TMEM132C: variants seen among roughly 807,000 people sequenced by gnomAD.
TMEM132C encodes the protein protein phosphatase 1, regulatory subunit 152.
In TMEM132C, 29 loss-of-function variants were observed where a neutral mutation model predicts 61.4. That is an observed-to-expected ratio of 0.47 (90% CI 0.35 to 0.64). The LOEUF (loss-of-function observed/expected upper bound fraction) is 0.64. TMEM132C is among the 30% of genes least tolerant of loss of function. The pLI is 0.00. For synonymous variants in TMEM132C, 656 were observed against 633.1 expected (o/e 1.04, Z -0.54); for missense variants, 1,408 against 1,476.9 (o/e 0.95, Z 0.76).
intron 3 of TMEM132C, among the ~76,000 whole-genome samples, chr12:128,580,143 G>T (rs1192592004): frequency 6.6e-6 from 1 of 152,148 alleles, no homozygotes; most frequent in East Asian, 1.9e-4. Flanking sequence ...GAATAATACT[G>T]TGAATTGTTG....
At chr12:128,404,436 C>G (rs1875268247) in intron 1 of TMEM132C, 1 of 152,202 alleles carries the variant, frequency 6.6e-6, no homozygotes, top group Non-Finnish European at 1.5e-5. Flanking sequence ...CTTGCTGTAC[C>G]CCATTCAATC....
chr12:128,314,132 G>A (rs1872069848), intron 1 of TMEM132C, among the ~76,000 whole-genome samples: 1 of 152,224 alleles, frequency 6.6e-6, no homozygotes, highest in Admixed American at 6.5e-5. Context: ...GTCTCTCGGA[G>A]ATCAAAGGAC....
At position 128,597,496 on chromosome 12, in the gene TMEM132C, AGAAGGAAGGAAGGAAG is replaced by A. The variant is rs35995948; in HGVS notation, c.1122-18637_1122-18622del. Among the ~76,000 whole-genome samples, 9 of 149,502 alleles carry A rather than the reference AGAAGGAAGGAAGGAAG, an allele frequency of 6.0e-5. No homozygotes were observed. In the South Asian group the frequency reaches 1.9e-3, roughly 32 times the overall value. Reference sequence around the variant, plus strand: ...AGAGAGGAAGGAAGGAAGGAAGGAAAGAAGGAAGGAAGGAAGGAAGGAAGGAAGGAAGGATGGATGG... The same window carrying A: ...AGAGAGGAAGGAAGGAAGGAAGGAAAGAAGGAAGGAAGGAAGGATGGATGG... On this transcript the variant is annotated intron_variant, in intron 3 of 8. Coordinates refer to ENST00000435159, the MANE Select transcript of TMEM132C (RefSeq NM_001136103.3).
intron 2 of TMEM132C, among the ~76,000 whole-genome samples, chr12:128,458,276 A>AAT (rs924821914): frequency 1.8e-5 from 2 of 111,234 alleles, no homozygotes; most frequent in African/African-American, 7.0e-5. Context: ...ATATAATTAT[A>AAT]ATATTTAGTA....
chr12:128,472,768 G>T (rs1303477484), intron 2 of TMEM132C, among the ~76,000 whole-genome samples: 1 of 152,150 alleles, frequency 6.6e-6, no homozygotes, highest in African/African-American at 2.4e-5. Flanking sequence ...AGGTGTGCAG[G>T]CTCCTTTGCC....
chr12:128,291,048 A>G lies in TMEM132C; in HGVS notation c.85+23561A>G, dbSNP rs554194901. Among the ~76,000 whole-genome samples, 3 of 152,234 alleles carry G rather than the reference A, an allele frequency of 2.0e-5. No individual in the cohort carries two copies. In the South Asian group the frequency reaches 6.2e-4, roughly 32 times the overall value. Reference sequence around the variant, plus strand: ...ACTGGAGCGTGCTGTAGGTGAGTGCACCATCCTCCTGGTGAGGTGAGGTCC... The same window carrying G: ...ACTGGAGCGTGCTGTAGGTGAGTGCGCCATCCTCCTGGTGAGGTGAGGTCC... On this transcript the variant is annotated intron_variant, in intron 1 of 8. Transcript: ENST00000435159.
At chr12:128,515,135 C>T (rs1163449989) in intron 2 of TMEM132C, among the ~76,000 whole-genome samples, 2 of 152,202 alleles carry the variant, frequency 1.3e-5, no homozygotes, top group East Asian at 1.9e-4. Context: ...GGTCAGCTAA[C>T]CAGCAGCCAT....
At position 128,641,680 on chromosome 12, in the gene TMEM132C, C is replaced by G. The variant is rs763018376; in HGVS notation, c.1305+25345C>G. ...AACACCTTGATCGTGGACCTCCAGC[C>G]GCAGAACCTTGAGAGAATAAACTTC... On this transcript the variant is annotated intron_variant, in intron 4 of 8. Coordinates refer to ENST00000435159, the MANE Select transcript of TMEM132C (RefSeq NM_001136103.3). Among the ~76,000 whole-genome samples the G allele has an allele frequency of 3.9e-5, 6 of 152,170 alleles. No individual in the cohort carries two copies. The East Asian group carries it at 1.2e-3, about 29-fold the overall frequency.
intron 4 of TMEM132C, among the ~76,000 whole-genome samples, chr12:128,638,305 G>A (rs1954118418): frequency 6.6e-6 from 1 of 152,148 alleles, no homozygotes; most frequent in African/African-American, 2.4e-5. Context: ...CCCCAAAATA[G>A]GATTGTGTAA....
chr12:128,582,171 A>G (rs555453761), intron 3 of TMEM132C, among the ~76,000 whole-genome samples: 3 of 152,360 alleles, frequency 2.0e-5, no homozygotes, highest in South Asian at 2.1e-4. Flanking sequence ...ATATAACCCA[A>G]TGGAAAATAG....
intron 3 of TMEM132C, among the ~76,000 whole-genome samples, chr12:128,562,129 C>T (rs776691530): frequency 6.6e-6 from 1 of 152,226 alleles, no homozygotes; most frequent in African/African-American, 2.4e-5. Context: ...CCGCATCTCT[C>T]TCTCCTCTGT....
intron 2 of TMEM132C, among the ~76,000 whole-genome samples, chr12:128,463,967 A>G (rs1249143424): frequency 6.6e-6 from 1 of 152,036 alleles, no homozygotes; most frequent in Non-Finnish European, 1.5e-5. Flanking sequence ...TTAAACCACC[A>G]ACACTCTGGC....
intron 5 of TMEM132C, among the ~76,000 whole-genome samples, chr12:128,678,525 C>G (rs1253524267): frequency 6.6e-6 from 1 of 152,214 alleles, no homozygotes; most frequent in Non-Finnish European, 1.5e-5. Context: ...CAGGCCTACC[C>G]CAGAAGATTG....
intron 1 of TMEM132C, among the ~76,000 whole-genome samples, chr12:128,359,118 G>A (rs546702058): frequency 1.1e-3 from 169 of 152,288 alleles, no homozygotes; most frequent in African/African-American, 3.9e-3. Flanking sequence ...ATGAAGTAGT[G>A]GAGCCCAGGA....
At chr12:128,356,689 C>T (rs966787577) in intron 1 of TMEM132C, among the ~76,000 whole-genome samples, 2 of 152,192 alleles carry the variant, frequency 1.3e-5, no homozygotes, top group South Asian at 2.1e-4. Context: ...GCTGACCAAC[C>T]CGTACTTCTA....
intron 3 of TMEM132C, among the ~76,000 whole-genome samples, chr12:128,595,423 G>A (rs1228510770): frequency 6.6e-6 from 1 of 152,182 alleles, no homozygotes; most frequent in Non-Finnish European, 1.5e-5. Flanking sequence ...GGCACAGCAG[G>A]GAGATCATCT....
At chr12:128,600,043 C>T (rs943390079) in intron 3 of TMEM132C, among the ~76,000 whole-genome samples, 2 of 152,068 alleles carry the variant, frequency 1.3e-5, no homozygotes, top group Admixed American at 6.5e-5. Context: ...AGTGCAGTGG[C>T]GCGATCTCGG....
At chr12:128,349,514 G>A (rs1873272890) in intron 1 of TMEM132C, among the ~76,000 whole-genome samples, 1 of 152,162 alleles carries the variant, frequency 6.6e-6, no homozygotes, top group African/African-American at 2.4e-5. Context: ...AGATAGTTGA[G>A]ACAAGCACTC....
At chr12:128,374,604 G>A (rs2248726) in intron 1 of TMEM132C, among the ~76,000 whole-genome samples, 136,823 of 151,944 alleles carry the variant, frequency 0.9, 63,340 homozygotes, top group East Asian at 1. Context: ...CAAGTGCTGT[G>A]TTAGGCTCTG....
Sources: gnomAD v4.1 joint callset for allele counts (sites outside exome capture counted in the v4.1 genomes callset) on GRCh38, gnomAD v4.1.1 for gene constraint, MANE v1.5 for transcripts, NCBI Gene and HGNC (gene_info 2026-07-23, HGNC 2026-07-21) for gene names.